The following DPYD variants were observed in gnomAD, a reference collection of about 807,000 sequenced individuals.
DPYD encodes dihydropyrimidine dehydrogenase [NADP(+)].
A neutral mutation model predicts 116.2 loss-of-function variants in DPYD; 109 were observed. That is an observed-to-expected ratio of 0.94 (90% CI 0.80 to 1.10). DPYD has a LOEUF of 1.10. Among genes scored for constraint, DPYD ranks in the 50% least tolerant of loss-of-function variants. The probability of loss-of-function intolerance (pLI) is 0.00; values close to 1 mark genes in which losing one functional copy is unlikely to be tolerated. For synonymous variants in DPYD, 440 were observed against 432.0 expected (o/e 1.02, Z -0.23); for missense variants, 1,302 against 1,254.5 (o/e 1.04, Z -0.57).
intron 5 of DPYD, among the ~76,000 whole-genome samples, chr1:97,719,240 C>T (rs370666800): frequency 1.0e-3 from 150 of 150,074 alleles, no homozygotes; most frequent in African/African-American, 3.4e-3. Flanking sequence ...TGATTTATTC[C>T]TTTTCCACTA....
intron 2 of DPYD, among the ~76,000 whole-genome samples, chr1:97,852,199 A>T (rs1242121941): frequency 1.3e-5 from 2 of 152,080 alleles, no homozygotes; most frequent in Non-Finnish European, 2.9e-5. Context: ...TTAAAAACTA[A>T]TCATTTGAAT....
chr1:97,883,120 T>A, intron 2 of DPYD, 144 bp downstream of exon 2: 1 of 596,366 alleles, frequency 1.7e-6, no homozygotes, highest in Non-Finnish European at 2.9e-6. Context: ...ACTTTCAAAC[T>A]TTTTCAAATA....
chr1:97,531,095 T>C (rs921202804), intron 12 of DPYD, among the ~76,000 whole-genome samples: 5 of 152,224 alleles, frequency 3.3e-5, no homozygotes, highest in Admixed American at 3.3e-4. Context: ...TTTCCTTAGC[T>C]ATGCAGAAGT....
chr1:97,503,172 A>C (rs1301461043), intron 13 of DPYD, among the ~76,000 whole-genome samples: 1 of 151,972 alleles, frequency 6.6e-6, no homozygotes, highest in Non-Finnish European at 1.5e-5. Context: ...ATTTGTATAC[A>C]TTTTATTTAC....
At chr1:97,744,385 T>A (rs1397890670) in intron 3 of DPYD, among the ~76,000 whole-genome samples, 1 of 152,012 alleles carries the variant, frequency 6.6e-6, no homozygotes, top group African/African-American at 2.4e-5. Context: ...TAACCTATGC[T>A]TGTTAAAGAA....
At chr1:97,761,710 T>C (rs925994700) in intron 3 of DPYD, among the ~76,000 whole-genome samples, 4 of 152,150 alleles carry the variant, frequency 2.6e-5, no homozygotes, top group African/African-American at 9.7e-5. Flanking sequence ...ACTATGCATA[T>C]GTTCACTGCA....
intron 12 of DPYD, among the ~76,000 whole-genome samples, chr1:97,537,222 C>T (rs541158681): frequency 4.6e-5 from 7 of 152,274 alleles, no homozygotes; most frequent in East Asian, 1.9e-4. Context: ...ATCTTTAACA[C>T]GAGGCAGAGT....
intron 18 of DPYD, among the ~76,000 whole-genome samples, chr1:97,269,206 G>A (rs1053137263): frequency 3.3e-5 from 5 of 151,966 alleles, no homozygotes; most frequent in Non-Finnish European, 5.9e-5. Flanking sequence ...TACCACATTC[G>A]TTATTTCCAT....
intron 3 of DPYD, among the ~76,000 whole-genome samples, chr1:97,816,010 T>C (rs563506062): frequency 2.6e-4 from 39 of 152,266 alleles, no homozygotes; most frequent in African/African-American, 7.2e-4. Flanking sequence ...TGTCACCAAA[T>C]AACATCTTGC....
intron 10 of DPYD, among the ~76,000 whole-genome samples, chr1:97,576,348 G>T (rs1653260767): frequency 6.6e-6 from 1 of 152,084 alleles, no homozygotes; most frequent in African/African-American, 2.4e-5. Flanking sequence ...TCTGTGGAGG[G>T]CAGAAATGAA....
At chr1:97,793,670 G>GA (rs1314002031) in intron 3 of DPYD, among the ~76,000 whole-genome samples, 1 of 151,206 alleles carries the variant, frequency 6.6e-6, no homozygotes, top group Non-Finnish European at 1.5e-5. Flanking sequence ...AAAACAAAAC[G>GA]AAAAAAAACT....
chr1:97,656,962 T>C (rs1389408853), intron 8 of DPYD, among the ~76,000 whole-genome samples: 2 of 146,450 alleles, frequency 1.4e-5, no homozygotes, highest in Non-Finnish European at 3.0e-5. Context: ...TGCTGCATGA[T>C]TGTATTTTTT....
intron 3 of DPYD, among the ~76,000 whole-genome samples, chr1:97,803,441 C>A (rs1237481185): frequency 6.6e-6 from 1 of 151,680 alleles, no homozygotes. Context: ...AAAATTGAGA[C>A]ATTAATCAAA....
At chr1:97,419,359 C>T (rs1005146503) in intron 14 of DPYD, among the ~76,000 whole-genome samples, 2 of 152,152 alleles carry the variant, frequency 1.3e-5, no homozygotes, top group African/African-American at 4.8e-5. Context: ...ACCTCTTCCA[C>T]TTCCATTAGT....
intron 14 of DPYD, among the ~76,000 whole-genome samples, chr1:97,407,312 G>T (rs1206048070): frequency 6.6e-6 from 1 of 152,100 alleles, no homozygotes; most frequent in African/African-American, 2.4e-5. Flanking sequence ...TTTCTTTAAA[G>T]ATTTTACATT....
intron 8 of DPYD, among the ~76,000 whole-genome samples, chr1:97,596,346 T>A (rs1006634420): frequency 6.6e-6 from 1 of 152,282 alleles, no homozygotes; most frequent in South Asian, 2.1e-4. Flanking sequence ...TTTTATTATT[T>A]CCTTATTTTC....
At chr1:97,221,125 AT>A (rs990676387) in intron 19 of DPYD, among the ~76,000 whole-genome samples, 1 of 152,202 alleles carries the variant, frequency 6.6e-6, no homozygotes, top group African/African-American at 2.4e-5. Flanking sequence ...ACAAAAACAA[AT>A]ATCTCACTTA....
chr1:97,484,576 T>C (rs1466371120), intron 13 of DPYD, among the ~76,000 whole-genome samples: 1 of 152,180 alleles, frequency 6.6e-6, no homozygotes, highest in Non-Finnish European at 1.5e-5. Flanking sequence ...TGTTGGAAAT[T>C]CCCTCCTCTT....
rs141460384 is a variant in DPYD, at chr1:97,508,848, A to G, written c.1740+6878T>C. Among the ~76,000 whole-genome samples, 1,369 of 152,064 alleles carry G rather than the reference A, an allele frequency of 9.0e-3. 12 individuals are homozygous for G. The highest frequency in any genetic ancestry group is 0.017 in the Middle Eastern group (5 of 294). On this transcript the variant is annotated intron_variant, in intron 13 of 22. Transcript: ENST00000370192. ...CTTGTGATGTGCCCTAAAGAATGGA[A>G]CACAATGAAAATTATATTGTGCAAC...
Sources: gnomAD v4.1 joint callset for allele counts (sites outside exome capture counted in the v4.1 genomes callset) on GRCh38, gnomAD v4.1.1 for gene constraint, MANE v1.5 for transcripts, NCBI Gene and HGNC (gene_info 2026-07-23, HGNC 2026-07-21) for gene names.